The following IL17RD variants were observed in gnomAD, a reference collection of about 807,000 sequenced individuals.
The protein encoded by IL17RD is interleukin 17 receptor D, also known as interleukin-17 receptor D.
Under a neutral mutation model 80.5 loss-of-function variants are expected in IL17RD, and 52 were observed. The ratio of observed to expected loss-of-function variants is 0.65; its 90% CI spans 0.52 to 0.81. The LOEUF is 0.81. Ranked by LOEUF, IL17RD falls within the 40% of genes least tolerant of loss-of-function variation. The pLI is 0.00. For synonymous variants in IL17RD, 416 were observed against 391.8 expected, an observed-to-expected ratio of 1.06 and a Z score of -0.73; for missense variants, 1,024 against 955.1, an observed-to-expected ratio of 1.07 and a Z score of -0.95.
chr3:57,109,934 A>G (rs1579270721), intron 4 of IL17RD, among the ~76,000 whole-genome samples: 1 of 151,956 alleles, frequency 6.6e-6, no homozygotes, highest in African/African-American at 2.4e-5. Flanking sequence ...GCCCACATAC[A>G]CTCTTTGGAG....
chr3:57,169,500 G>A (rs12494852), upstream of IL17RD: 26,253 of 211,078 alleles, frequency 0.12, 2,508 homozygotes, highest in East Asian at 0.42. Flanking sequence ...AATCCTTAAC[G>A]CAAGGATTGG....
At chr3:57,140,864 C>G (rs1166756202) in intron 1 of IL17RD, among the ~76,000 whole-genome samples, 2 of 151,564 alleles carry the variant, frequency 1.3e-5, no homozygotes, top group African/African-American at 4.8e-5. Context: ...ATTTATTATG[C>G]AGTAGCAGAG....
At chr3:57,098,601 T>C (rs895448185) in intron 11 of IL17RD, 63 bp from the exon 12 acceptor site, 1 of 1,105,364 alleles carries the variant, frequency 9.0e-7, no homozygotes, top group African/African-American at 1.6e-5. Flanking sequence ...GGGAAGTGAG[T>C]AACAGGAAGG....
At position 57,098,066 on chromosome 3, in the gene IL17RD, A is replaced by G. The variant is rs764090046; in HGVS notation, c.1637T>C (p.Ile546Thr). 15 of 1,613,858 alleles carry G rather than the reference A, an allele frequency of 9.3e-6. No individual in the cohort carries two copies. The highest frequency in any genetic ancestry group is 1.2e-5 in the Non-Finnish European group (14 of 1,179,890). Residue 546 changes from isoleucine (I) to threonine (T), a missense_variant, in exon 12 of 13, where the codon ATT (isoleucine) becomes ACT (threonine). Coordinates refer to ENST00000296318, the MANE Select transcript of IL17RD (RefSeq NM_017563.5). ...SKSGRSLYVA[I>T]CNMHQFIDEE... The stretch of plus-strand genomic sequence containing the variant: ...GTCAATAAACTGGTGCATGTTGCAA[A>G]TGGCGACGTATAGGGACCGGCCTGA...
intron 1 of IL17RD, among the ~76,000 whole-genome samples, chr3:57,148,329 A>C (rs1707980181): frequency 6.6e-6 from 1 of 151,526 alleles, no homozygotes; most frequent in East Asian, 1.9e-4. Context: ...TATCTCAAAA[A>C]AAAAAAAAAA....
At chr3:57,106,247 C>T (rs1706964006) in intron 5 of IL17RD, 93 bp from the exon 6 acceptor site, 4 of 888,716 alleles carry the variant, frequency 4.5e-6, no homozygotes, top group Middle Eastern at 2.2e-4. Flanking sequence ...GATACTGTGC[C>T]GGGTGATGCT....
chr3:57,098,014 C>T lies in IL17RD; in HGVS notation c.1689G>A (p.Gln563=). ...IDEEPDWFEK[Q]FVPFHPPPLR... is the part of the protein sequence containing the mutation. ...GTGGAGGAGGATGGAAGGGAACGAA[C>T]TGCTTTTCGAACCAGTCGGGCTCCT... The change falls in exon 12 of 13, where the codon CAG becomes CAA. Residue 563 remains glutamine (Q), a synonymous_variant. Transcript: ENST00000296318. 6.2e-7 allele frequency: 1 copy of T among 1,614,050 alleles called. No homozygotes were observed. The highest frequency in any genetic ancestry group is 8.5e-7 in the Non-Finnish European group (1 of 1,179,898).
At chr3:57,169,758 G>A (rs1034304501), upstream of IL17RD, among the ~76,000 whole-genome samples, 2 of 152,100 alleles carry the variant, frequency 1.3e-5, no homozygotes, top group Non-Finnish European at 2.9e-5. Flanking sequence ...TCTCCCAGAG[G>A]GCTGAGGGTG....
At chr3:57,150,715 C>G (rs1032032863) in intron 1 of IL17RD, among the ~76,000 whole-genome samples, 7 of 152,170 alleles carry the variant, frequency 4.6e-5, no homozygotes, top group Non-Finnish European at 2.9e-5. Context: ...AATAAAATTG[C>G]AGACTTTTTG....
chr3:57,134,769 A>G (rs1052744487), intron 1 of IL17RD: 1 of 467,750 alleles, frequency 2.1e-6, no homozygotes, highest in Non-Finnish European at 4.0e-6. Flanking sequence ...GATTACGTAG[A>G]TCAACCACTA....
intron 1 of IL17RD, among the ~76,000 whole-genome samples, chr3:57,127,588 T>C (rs2107510207): frequency 6.6e-6 from 1 of 151,064 alleles, no homozygotes; most frequent in Middle Eastern, 3.4e-3. Flanking sequence ...GTATTTTTAG[T>C]AGAGACAGGT....
At chr3:57,110,955 A>G (rs1707083170) in intron 3 of IL17RD, among the ~76,000 whole-genome samples, 1 of 152,164 alleles carries the variant, frequency 6.6e-6, no homozygotes, top group Non-Finnish European at 1.5e-5. Flanking sequence ...AGACACCCAC[A>G]GCGCCGCTGA....
chr3:57,159,114 A>C lies in IL17RD; in HGVS notation c.126+6047T>G, dbSNP rs570871143. Reference sequence around the variant, plus strand: ...CACACTGACTTAATTTACAATGTCGATATCTCTTCTTTTTTTTTTTTTTTA... The same window carrying C: ...CACACTGACTTAATTTACAATGTCGCTATCTCTTCTTTTTTTTTTTTTTTA... On this transcript the variant is annotated intron_variant, in intron 1 of 12. Transcript: ENST00000296318. 2.0e-5 allele frequency among the ~76,000 whole-genome samples: 3 copies of C among 148,972 alleles called. No individual in the cohort carries two copies. The Admixed American group carries it at 2.1e-4, about 10-fold the overall frequency.
rs892395232 is a variant in IL17RD, at chr3:57,092,448, G to T, written c.*3945C>A. 2.0e-5 allele frequency: 3 copies of T among 147,452 alleles called. No homozygotes were observed. The allele number at this position is 147,452 out of a possible 1,614,324, so 9.1% of individuals were successfully genotyped here. A position where few individuals can be genotyped will look rare whatever the true frequency, so the allele number is the denominator to read the frequency against. ...CTAAAAATACAAAAAAATTAGCCAGGCGTGGTGGTGGGCGCCTGTAGTCCC... is the reference window on the plus strand; with the variant it reads ...CTAAAAATACAAAAAAATTAGCCAGTCGTGGTGGTGGGCGCCTGTAGTCCC... On this transcript the variant is annotated 3_prime_UTR_variant, in exon 13 of 13. Coordinates refer to ENST00000296318, the MANE Select transcript of IL17RD (RefSeq NM_017563.5).
At chr3:57,113,906 C>G (rs1444136581) in intron 3 of IL17RD, among the ~76,000 whole-genome samples, 1 of 151,856 alleles carries the variant, frequency 6.6e-6, no homozygotes. Context: ...AAAATTAAAG[C>G]TGGGCGCAGT....
In IL17RD at chr3:57,110,229, C is replaced by A; in HGVS notation, c.393G>T (p.Lys131Asn). Residue 131 changes from lysine to asparagine, a missense_variant, in exon 4 of 13, where the codon AAG (lysine) becomes AAT (asparagine). Lys to Asn is a moderately conservative substitution (Grantham distance 94, BLOSUM62 0). Coordinates refer to ENST00000296318, the MANE Select transcript of IL17RD (RefSeq NM_017563.5). Reference sequence around the variant, plus strand: ...AGCTACTGTTGAGCTGCTTCGGATCCTTTAGAATCAGTTGTTGGCACTGTC... The same window carrying A: ...AGCTACTGTTGAGCTGCTTCGGATCATTTAGAATCAGTTGTTGGCACTGTC... ...EGRQCQQLIL[K>N]DPKQLNSSFK... The A allele has an allele frequency of 6.2e-7, 1 of 1,607,276 alleles. No individual in the cohort carries two copies. Among genetic ancestry groups the A allele is most frequent in the Non-Finnish European group, 8.5e-7 (1 of 1,176,696 alleles).
chr3:57,144,351 C>T (rs1340083031), intron 1 of IL17RD, among the ~76,000 whole-genome samples: 1 of 152,232 alleles, frequency 6.6e-6, no homozygotes, highest in Non-Finnish European at 1.5e-5. Flanking sequence ...CGTTCACCAT[C>T]TCTTCCTCCT....
chr3:57,163,902 T>C (rs1171389024), intron 1 of IL17RD, among the ~76,000 whole-genome samples: 2 of 151,790 alleles, frequency 1.3e-5, no homozygotes, highest in Admixed American at 1.3e-4. Flanking sequence ...CACACCTGGT[T>C]TTCTGCACCA....
rs1047703737 is a variant in IL17RD at position 57,093,083 on chromosome 3, CA to C, written c.*3309del. 4 of 152,118 alleles carry C rather than the reference CA, an allele frequency of 2.6e-5. No homozygotes were observed. The highest frequency in any genetic ancestry group is 9.7e-5 in the African/African-American group (4 of 41,408). The allele number at this position is 152,118 out of a possible 1,614,324, so 9.4% of individuals were successfully genotyped here. On this transcript the variant is annotated 3_prime_UTR_variant, in exon 13 of 13. Coordinates refer to ENST00000296318, the MANE Select transcript of IL17RD (RefSeq NM_017563.5). ...GGAAAATTACCCACTGTGGGTGGAA[CA>C]GGGGCGCTTCAGTTTGCCACAGTCC...
Sources: gnomAD v4.1 joint callset for allele counts (sites outside exome capture counted in the v4.1 genomes callset) on GRCh38, gnomAD v4.1.1 for gene constraint, MANE v1.5 for transcripts, NCBI Gene and HGNC (gene_info 2026-07-23, HGNC 2026-07-21) for gene names.